Variants in LINGO2 observed in about 807,000 individuals in gnomAD.
LINGO2 encodes the protein leucine-rich repeat and immunoglobulin-like domain-containing nogo receptor-interacting protein 2.
A neutral mutation model predicts 30.6 loss-of-function variants in LINGO2; 14 were observed. The observed-to-expected ratio is 0.46, with a 90% confidence interval of 0.30 to 0.72. LINGO2 has a LOEUF of 0.72. LINGO2 is among the 30% of genes least tolerant of loss of function. The pLI, the probability that LINGO2 is intolerant of heterozygous loss-of-function variation, is 0.07. For synonymous variants in LINGO2, 317 were observed against 288.5 expected (o/e 1.10, Z -1.00); for missense variants, 729 against 751.7 (o/e 0.97, Z 0.35).
chr9:29,207,954 T>C, the LINGO2 span, among the ~76,000 whole-genome samples: 3 of 152,180 alleles, frequency 2.0e-5, no homozygotes, highest in Non-Finnish European at 4.4e-5. Flanking sequence ...ATTTTCTTCC[T>C]AATTCACATA....
At chr9:28,294,248 C>A (rs147889344) in intron 4 of LINGO2, among the ~76,000 whole-genome samples, 47 of 152,120 alleles carry the variant, frequency 3.1e-4, no homozygotes, top group African/African-American at 1.0e-3. Context: ...GACTGAGTTC[C>A]GTTTACTTTA....
chr9:28,171,911 A>G (rs1268082626), intron 4 of LINGO2, among the ~76,000 whole-genome samples: 1 of 145,978 alleles, frequency 6.9e-6, no homozygotes, highest in Non-Finnish European at 1.5e-5. Flanking sequence ...AGTTCCAGCT[A>G]CTTGGGAGGC....
chr9:28,303,634 C>T (rs1824233050), intron 3 of LINGO2, among the ~76,000 whole-genome samples: 3 of 152,070 alleles, frequency 2.0e-5, no homozygotes, highest in South Asian at 4.2e-4. Context: ...TTATTAAATA[C>T]TGTAATCTTA....
the LINGO2 span, among the ~76,000 whole-genome samples, chr9:29,193,002 C>T: frequency 6.6e-6 from 1 of 152,156 alleles, no homozygotes; most frequent in South Asian, 2.1e-4. Flanking sequence ...TCACTTTTTA[C>T]CATTCATCTG....
chr9:28,768,770 C>T, the LINGO2 span, among the ~76,000 whole-genome samples: 1 of 151,996 alleles, frequency 6.6e-6, no homozygotes, highest in Non-Finnish European at 1.5e-5. Context: ...TTTTACTGAA[C>T]TTCTTGATTA....
the LINGO2 span, among the ~76,000 whole-genome samples, chr9:29,072,924 C>CTG: frequency 6.8e-6 from 1 of 148,020 alleles, no homozygotes; most frequent in Admixed American, 6.7e-5. Flanking sequence ...CTCTCTAGCG[C>CTG]TCTCTCTCTC....
At chr9:28,973,595 C>T in the LINGO2 span, among the ~76,000 whole-genome samples, 2 of 152,308 alleles carry the variant, frequency 1.3e-5, no homozygotes, top group East Asian at 3.9e-4. Context: ...ATGTATCTTG[C>T]TCCCCCTTTG....
chr9:28,598,376 G>A (rs371028593), intron 1 of LINGO2, among the ~76,000 whole-genome samples: 2 of 149,592 alleles, frequency 1.3e-5, no homozygotes, highest in African/African-American at 4.9e-5. Flanking sequence ...TATCAATAAA[G>A]GAGTGTATTC....
the LINGO2 span, among the ~76,000 whole-genome samples, chr9:29,159,912 T>A: frequency 6.6e-6 from 1 of 151,956 alleles, no homozygotes; most frequent in Non-Finnish European, 1.5e-5. Context: ...CCACCTAACA[T>A]GTAGGGTTTA....
intron 1 of LINGO2, among the ~76,000 whole-genome samples, chr9:28,489,780 C>A (rs1275990725): frequency 6.6e-6 from 1 of 150,740 alleles, no homozygotes; most frequent in Non-Finnish European, 1.5e-5. Flanking sequence ...TGCCTGTAAT[C>A]TCAGCTACTC....
In LINGO2 at chr9:28,219,986, T is replaced by A. The variant is rs146514026; in HGVS notation, c.-87+75222A>T. On this transcript the variant is annotated intron_variant, in intron 4 of 5. Transcript: ENST00000379992. ...TTCTGGATGACATGAACTAGGATGG[T>A]TACATGTATACTGAGCCTGCACAAA... 2.0e-3 allele frequency among the ~76,000 whole-genome samples: 300 copies of A among 152,286 alleles called. 1 individual carries two copies. The highest frequency in any genetic ancestry group is 3.5e-3 in the Non-Finnish European group (239 of 68,024).
chr9:27,972,125 G>T (rs1246198381), intron 5 of LINGO2, among the ~76,000 whole-genome samples: 1 of 152,124 alleles, frequency 6.6e-6, no homozygotes, highest in Non-Finnish European at 1.5e-5. Context: ...GAAAGAGAAA[G>T]GAATGAAAGG....
At chr9:28,421,826 C>CA (rs1191987129) in intron 2 of LINGO2, among the ~76,000 whole-genome samples, 1 of 151,704 alleles carries the variant, frequency 6.6e-6, no homozygotes, top group African/African-American at 2.4e-5. Context: ...GCATATAGAC[C>CA]AAAAAAATAG....
chr9:28,268,494 A>G (rs1822831761), intron 4 of LINGO2, among the ~76,000 whole-genome samples: 3 of 152,050 alleles, frequency 2.0e-5, no homozygotes, highest in Admixed American at 2.0e-4. Flanking sequence ...TCTCATAAGA[A>G]AGTCAATTGG....
chr9:28,524,000 C>A (rs1016728865), intron 1 of LINGO2, among the ~76,000 whole-genome samples: 5 of 151,496 alleles, frequency 3.3e-5, no homozygotes, highest in African/African-American at 4.9e-5. Context: ...AGATAAAAAT[C>A]AGTGAACTTC....
chr9:28,095,626 T>G (rs980155822), intron 4 of LINGO2, among the ~76,000 whole-genome samples: 1 of 151,970 alleles, frequency 6.6e-6, no homozygotes, highest in East Asian at 1.9e-4. Context: ...AACCTAGGCA[T>G]TACCATTCAG....
intron 3 of LINGO2, among the ~76,000 whole-genome samples, chr9:28,366,496 A>G (rs1410114575): frequency 6.6e-6 from 1 of 152,114 alleles, no homozygotes; most frequent in African/African-American, 2.4e-5. Flanking sequence ...TCCACATAAG[A>G]CTCATTCAAA....
At chr9:28,638,832 T>C (rs1588005600) in intron 1 of LINGO2, among the ~76,000 whole-genome samples, 1 of 152,174 alleles carries the variant, frequency 6.6e-6, no homozygotes, top group African/African-American at 2.4e-5. Flanking sequence ...AGTTCTGCTC[T>C]GATCTTAGTT....
the LINGO2 span, among the ~76,000 whole-genome samples, chr9:29,098,297 T>G: frequency 1.3e-5 from 2 of 152,212 alleles, no homozygotes; most frequent in Non-Finnish European, 2.9e-5. Context: ...AAGCAAGCAC[T>G]GCTTACACTT....
Sources: allele counts gnomAD v4.1 joint callset (sites outside exome capture counted in the v4.1 genomes callset), GRCh38; gene constraint gnomAD v4.1.1; transcripts MANE v1.5; gene names NCBI Gene and HGNC (gene_info 2026-07-23, HGNC 2026-07-21).